TET1: variants seen among roughly 807,000 people sequenced by gnomAD.
The protein encoded by TET1 is tet methylcytosine dioxygenase 1.
In TET1, 13 loss-of-function variants were observed where a neutral mutation model predicts 148.7. That is an observed-to-expected ratio of 0.09 (90% CI 0.06 to 0.14). The LOEUF (loss-of-function observed/expected upper bound fraction) is 0.14, where lower values mean the gene tolerates loss of function less well. TET1 is among the 10% of genes least tolerant of loss of function. TET1 has a pLI of 1.00. For missense variants in TET1, 2,182 were observed against 2,553.8 expected (o/e 0.85, Z 3.14); for synonymous variants, 907 against 937.2 (o/e 0.97, Z 0.59).
intron 8 of TET1, among the ~76,000 whole-genome samples, chr10:68,673,786 A>G (rs1205166225): frequency 2.6e-5 from 4 of 152,098 alleles, no homozygotes; most frequent in African/African-American, 9.7e-5. Flanking sequence ...ATACATAGAC[A>G]TAAGAAAATA....
chr10:68,635,106 T>TAA (rs1478642273), intron 3 of TET1, among the ~76,000 whole-genome samples: 6 of 150,304 alleles, frequency 4.0e-5, no homozygotes, highest in African/African-American at 1.5e-4. Flanking sequence ...TATATATATA[T>TAA]AATATATATA....
chr10:68,581,813 G>A (rs1414675811), intron 2 of TET1, among the ~76,000 whole-genome samples: 1 of 151,558 alleles, frequency 6.6e-6, no homozygotes, highest in Non-Finnish European at 1.5e-5. Flanking sequence ...CTACAGCCTG[G>A]GCGACAGAGT....
intron 1 of TET1, among the ~76,000 whole-genome samples, chr10:68,563,872 G>C (rs954668938): frequency 1.5e-4 from 23 of 152,152 alleles, no homozygotes; most frequent in African/African-American, 4.6e-4. Context: ...AGTAGAGATG[G>C]GGTTTTACTA....
chr10:68,672,624 T>C (rs2133195291), intron 7 of TET1, among the ~76,000 whole-genome samples: 1 of 152,036 alleles, frequency 6.6e-6, no homozygotes, highest in Non-Finnish European at 1.5e-5. Flanking sequence ...TCCCACTTAT[T>C]TGGATTTGCA....
chr10:68,597,030 A>ATTTTTTTTTTTTTTTTTTTTTTT lies in TET1; in HGVS notation c.1915-3930_1915-3929insTTTTTTTTTTTTTTTTTTTTTTT, dbSNP rs553591899. Among the ~76,000 whole-genome samples the ATTTTTTTTTTTTTTTTTTTTTTT allele has an allele frequency of 1.2e-3, 117 of 98,862 alleles. 11 individuals carry two copies. The highest frequency in any genetic ancestry group is 1.9e-3 in the South Asian group (5 of 2,694). 64.9% of individuals were successfully genotyped at this position (98,862 alleles called of 152,430 possible). A position where few individuals can be genotyped will look rare whatever the true frequency, so the allele number is the denominator to read the frequency against. Reference sequence around the variant, plus strand: ...ATTTTCATGATCACACAGCTAATGGATTTTTTTTTTTTTTTTTTTTTGAGA... The same window carrying ATTTTTTTTTTTTTTTTTTTTTTT: ...ATTTTCATGATCACACAGCTAATGGATTTTTTTTTTTTTTTTTTTTTTTTTTTTTTTTTTTTTTTTTTTTGAGA... On this transcript the variant is annotated intron_variant, in intron 2 of 11. Coordinates refer to ENST00000373644, the MANE Select transcript of TET1 (RefSeq NM_030625.3).
chr10:68,580,793 A>ATATATAT (rs1271323655), intron 2 of TET1, among the ~76,000 whole-genome samples: 1 of 126,520 alleles, frequency 7.9e-6, no homozygotes, highest in African/African-American at 2.9e-5. Flanking sequence ...AAAAAAAAAA[A>ATATATAT]AAAAAAAAAA....
chr10:68,641,630 C>G (rs943493549), intron 3 of TET1, among the ~76,000 whole-genome samples: 4 of 151,484 alleles, frequency 2.6e-5, no homozygotes, highest in Admixed American at 1.3e-4. Flanking sequence ...TCTCGAGTAC[C>G]TGGGACTACA....
chr10:68,621,095 G>T (rs1476848169), intron 3 of TET1, among the ~76,000 whole-genome samples: 1 of 152,116 alleles, frequency 6.6e-6, no homozygotes, highest in Non-Finnish European at 1.5e-5. Flanking sequence ...TCATAATTTT[G>T]GTTGTGTTCA....
intron 11 of TET1, among the ~76,000 whole-genome samples, chr10:68,686,966 C>A (rs1643495339): frequency 1.3e-5 from 2 of 151,588 alleles, no homozygotes; most frequent in South Asian, 4.2e-4. Context: ...TGGCTCACTG[C>A]AAGCTCTGCC....
At chr10:68,634,462 C>T (rs2054621230) in intron 3 of TET1, among the ~76,000 whole-genome samples, 1 of 152,152 alleles carries the variant, frequency 6.6e-6, no homozygotes, top group Non-Finnish European at 1.5e-5. Flanking sequence ...TTCAGTGCAT[C>T]TTAGTTAGCA....
chr10:68,657,891 G>A (rs2055048959), intron 6 of TET1, among the ~76,000 whole-genome samples: 2 of 152,114 alleles, frequency 1.3e-5, no homozygotes. Context: ...ATTCTACATA[G>A]TTTGTAGAAC....
At chr10:68,629,135 T>TG (rs917823037) in intron 3 of TET1, among the ~76,000 whole-genome samples, 8 of 152,010 alleles carry the variant, frequency 5.3e-5, no homozygotes, top group South Asian at 4.2e-4. Context: ...AAGCCTGAGG[T>TG]GGGGGGGTCA....
In TET1 at chr10:68,681,407, C is replaced by T. The variant is rs2055432903; in HGVS notation, c.4833C>T (p.Asn1611=). The T allele has an allele frequency of 6.2e-7, 1 of 1,612,142 alleles. No homozygotes were observed. The highest frequency in any genetic ancestry group is 1.1e-5 in the South Asian group (1 of 90,876). ...ATTCTGTTTTCCTATAGGAAAAAAA[C>T]CTTGAAGATAACTTACAGAGTTTGG... is the stretch of plus-strand genomic sequence containing the variant. ...IDPSSPLHEK[N]LEDNLQSLAT... The change falls in exon 9 of 12, where the codon AAC becomes AAT. Residue 1611 remains asparagine, a synonymous_variant. Coordinates refer to ENST00000373644, the MANE Select transcript of TET1 (RefSeq NM_030625.3).
At chr10:68,600,812 T>G (rs1337438004) in intron 2 of TET1, among the ~76,000 whole-genome samples, 169 bp from the exon 3 acceptor site, 1 of 152,202 alleles carries the variant, frequency 6.6e-6, no homozygotes, top group African/African-American at 2.4e-5. Flanking sequence ...TTTTAGTGAC[T>G]TTTAAAGTAT....
chr10:68,673,075 A>G, intron 8 of TET1, 30 bp downstream of exon 8: 2 of 1,577,214 alleles, frequency 1.3e-6, no homozygotes. Flanking sequence ...CAAATAATTT[A>G]TTTTTGAATT....
chr10:68,669,474 CT>C (rs3085667), intron 7 of TET1, among the ~76,000 whole-genome samples: 16 of 61,620 alleles, frequency 2.6e-4, no homozygotes, highest in African/African-American at 7.6e-4. Flanking sequence ...CCATGCCCAG[CT>C]TTTTTTTTTT....
At chr10:68,662,046 T>C (rs1460347575) in intron 6 of TET1, among the ~76,000 whole-genome samples, 1 of 152,042 alleles carries the variant, frequency 6.6e-6, no homozygotes, top group Non-Finnish European at 1.5e-5. Context: ...GTCTAACTTT[T>C]GTATTTTTAA....
intron 6 of TET1, among the ~76,000 whole-genome samples, chr10:68,666,537 GTGGAATTTCAGTGCAGTTT>G (rs1397657041): frequency 3.3e-5 from 5 of 152,166 alleles, no homozygotes; most frequent in Admixed American, 3.3e-4. Context: ...TGTGACATTT[GTGGAATTTCAGTGCAGTTT>G]TCTACCGGGC....
Position 68,693,778 on chromosome 10 carries a change from A to G in TET1, c.*1964A>G, listed in dbSNP as rs765284431. 1 of 231,476 alleles carries G rather than the reference A, an allele frequency of 4.3e-6. No homozygotes were observed. Among genetic ancestry groups the G allele is most frequent in the Non-Finnish European group, 8.5e-6 (1 of 117,072 alleles). 14.3% of individuals were successfully genotyped at this position (231,476 alleles called of 1,614,324 possible). A position where few individuals can be genotyped will look rare whatever the true frequency, so the allele number is the denominator to read the frequency against. On this transcript the variant is annotated 3_prime_UTR_variant, in exon 12 of 12. Coordinates refer to ENST00000373644, the MANE Select transcript of TET1 (RefSeq NM_030625.3). ...AGATATTTACTAGTATTAGACTATC[A>G]GGAATACACCCTTGCGAGATTATGT...
Sources: allele counts gnomAD v4.1 joint callset (sites outside exome capture counted in the v4.1 genomes callset), GRCh38; gene constraint gnomAD v4.1.1; transcripts MANE v1.5; gene names NCBI Gene and HGNC (gene_info 2026-07-23, HGNC 2026-07-21).